Variants in HNMT observed in about 807,000 individuals in gnomAD.
HNMT encodes histamine N-methyltransferase.
A neutral mutation model predicts 32.1 loss-of-function variants in HNMT; 30 were observed. The ratio of observed to expected loss-of-function variants is 0.93; its 90% CI spans 0.70 to 1.27. HNMT has a LOEUF of 1.27. Among genes scored for constraint, HNMT ranks in the 50% most tolerant of loss-of-function variants. The probability of loss-of-function intolerance (pLI) is 0.00; values close to 1 mark genes in which losing one functional copy is unlikely to be tolerated. For missense variants in HNMT, 327 were observed against 346.0 expected (o/e 0.95, Z 0.43); for synonymous variants, 125 against 119.0 (o/e 1.05, Z -0.33).
intron 2 of HNMT, among the ~76,000 whole-genome samples, chr2:137,993,066 C>G (rs1227158106): frequency 6.6e-6 from 1 of 152,078 alleles, no homozygotes; most frequent in Admixed American, 6.6e-5. Context: ...CCTCAAAGAC[C>G]AAAACTAGAC....
chr2:138,003,150 G>T (rs921381407), intron 4 of HNMT, among the ~76,000 whole-genome samples: 2 of 149,610 alleles, frequency 1.3e-5, no homozygotes, highest in African/African-American at 4.9e-5. Flanking sequence ...CGAGTTAGTG[G>T]GTGCAGCGCA....
At chr2:138,013,008 A>G (rs1681556186) in intron 5 of HNMT, among the ~76,000 whole-genome samples, 1 of 152,050 alleles carries the variant, frequency 6.6e-6, no homozygotes, top group Non-Finnish European at 1.5e-5. Flanking sequence ...ACCTTATTAA[A>G]TGTATATTGA....
intron 2 of HNMT, chr2:137,981,644 A>G (rs957503009): frequency 3.6e-5 from 17 of 467,150 alleles, no homozygotes; most frequent in Admixed American, 7.0e-5. Flanking sequence ...CACTTTCTTG[A>G]GTAATTACTA....
At chr2:137,973,822 G>C (rs967797460) in intron 2 of HNMT, among the ~76,000 whole-genome samples, 5 of 151,970 alleles carry the variant, frequency 3.3e-5, no homozygotes, top group African/African-American at 1.2e-4. Flanking sequence ...AACATGAGCA[G>C]GGAGGGGATG....
chr2:137,980,368 A>G (rs1311169778), intron 2 of HNMT, among the ~76,000 whole-genome samples: 1 of 152,172 alleles, frequency 6.6e-6, no homozygotes, highest in Non-Finnish European at 1.5e-5. Context: ...GCAAATATTT[A>G]AAGAGCAATC....
At chr2:138,012,747 A>T (rs2104993071) in intron 5 of HNMT, among the ~76,000 whole-genome samples, 1 of 152,186 alleles carries the variant, frequency 6.6e-6, no homozygotes. Flanking sequence ...AGGCGCCCTC[A>T]CAGAAATTAC....
chr2:137,978,435 A>G (rs1680356743), intron 2 of HNMT, among the ~76,000 whole-genome samples: 1 of 145,074 alleles, frequency 6.9e-6, no homozygotes, highest in Non-Finnish European at 1.5e-5. Flanking sequence ...ATTATATACA[A>G]TACATATGAT....
chr2:137,975,929 C>T (rs1680272909), intron 2 of HNMT, among the ~76,000 whole-genome samples: 1 of 152,136 alleles, frequency 6.6e-6, no homozygotes, highest in Non-Finnish European at 1.5e-5. Context: ...GCCCTCAAAG[C>T]GCCAATGGTT....
intron 1 of HNMT, among the ~76,000 whole-genome samples, chr2:137,969,423 A>AT (rs921488039): frequency 2.6e-5 from 4 of 151,982 alleles, no homozygotes; most frequent in Non-Finnish European, 5.9e-5. Context: ...ATTCGTATTT[A>AT]TTTTTTTTAA....
At chr2:137,970,468 A>G (rs925477382) in intron 2 of HNMT, among the ~76,000 whole-genome samples, 1 of 152,228 alleles carries the variant, frequency 6.6e-6, no homozygotes, top group African/African-American at 2.4e-5. Flanking sequence ...TGAAAAATCA[A>G]ATAGGATAAC....
intron 2 of HNMT, among the ~76,000 whole-genome samples, chr2:137,970,970 A>G (rs1680117515): frequency 6.7e-6 from 1 of 149,972 alleles, no homozygotes; most frequent in Non-Finnish European, 1.5e-5. Context: ...AGAAAGAAAG[A>G]AAAAAGAAAT....
intron 2 of HNMT, among the ~76,000 whole-genome samples, chr2:137,976,017 A>C (rs986541885): frequency 1.3e-5 from 2 of 152,190 alleles, no homozygotes; most frequent in Admixed American, 1.3e-4. Context: ...CTGTAATCCC[A>C]GTACTTTGGG....
intron 2 of HNMT, among the ~76,000 whole-genome samples, chr2:138,000,630 T>A (rs558832072): frequency 6.6e-6 from 1 of 152,134 alleles, no homozygotes; most frequent in African/African-American, 2.4e-5. Flanking sequence ...AAAATAAGGG[T>A]TAATTTCCTT....
rs553174705 is a variant in HNMT, at chr2:138,015,876, T to C, written c.*1746T>C. 3 of 152,278 alleles carry C rather than the reference T, an allele frequency of 2.0e-5. No homozygotes were observed. The highest frequency in any genetic ancestry group is 3.4e-3 in the Middle Eastern group (1 of 294). 9.4% of individuals were successfully genotyped at this position (152,278 alleles called of 1,614,324 possible). On this transcript the variant is annotated 3_prime_UTR_variant, in exon 6 of 6. Transcript: ENST00000280097. The stretch of plus-strand genomic sequence containing the variant: ...AAGAATTGCAGTCCATAGATTGGTG[T>C]TTGTAAATATGGCCTTTTTCTCGTC...
At chr2:138,010,925 A>C (rs1156403) in intron 5 of HNMT, among the ~76,000 whole-genome samples, 2,907 of 152,152 alleles carry the variant, frequency 0.019, 95 homozygotes, top group African/African-American at 0.066. Context: ...GAGATGAGCC[A>C]GAAGGAGATC....
chr2:137,994,706 A>G (rs2104964530), intron 2 of HNMT, among the ~76,000 whole-genome samples: 1 of 152,360 alleles, frequency 6.6e-6, no homozygotes, highest in Middle Eastern at 3.4e-3. Context: ...CCCCAAATCA[A>G]CAGAATATAC....
At chr2:138,009,135 G>A (rs1394516078) in intron 5 of HNMT, among the ~76,000 whole-genome samples, 1 of 151,800 alleles carries the variant, frequency 6.6e-6, no homozygotes, top group African/African-American at 2.4e-5. Context: ...TGGCCAAGAA[G>A]CATTTGAAAA....
In HNMT at chr2:137,985,137, A is replaced by C. The variant is rs1177706563; in HGVS notation, c.190+14920A>C. 3.9e-5 allele frequency among the ~76,000 whole-genome samples: 6 copies of C among 152,022 alleles called. No homozygotes were observed. In the East Asian group the frequency reaches 9.7e-4, roughly 24 times the overall value. On this transcript the variant is annotated intron_variant, in intron 2 of 5. Coordinates refer to ENST00000280097, the MANE Select transcript of HNMT (RefSeq NM_006895.3). ...CACGTAAGACTCTCAGCTTCTCACT[A>C]TCTGCCTAAAACGTGCATGGACAAA...
Position 138,002,143 on chromosome 2 carries a change from A to C in HNMT, c.378A>C (p.Arg126Ser). ...HKETSSEYQS[R>S]MLEKKELQKW... ...AGACATCATCTGAATACCAAAGTAG[A>C]ATGTTGGAGAAAAAGGAGCTTCAAA... is the stretch of plus-strand genomic sequence containing the variant. The change falls in exon 4 of 6, where the codon AGA (arginine) becomes AGC (serine). Residue 126 changes from arginine (R) to serine (S), a missense_variant. Arg to Ser is a moderately radical substitution (Grantham distance 110, BLOSUM62 -1). Transcript: ENST00000280097. The C allele has an allele frequency of 6.2e-7, 1 of 1,600,768 alleles. No individual in the cohort carries two copies. The highest frequency in any genetic ancestry group is 8.5e-7 in the Non-Finnish European group (1 of 1,171,482).
Sources: allele counts gnomAD v4.1 joint callset (sites outside exome capture counted in the v4.1 genomes callset), GRCh38; gene constraint gnomAD v4.1.1; transcripts MANE v1.5; gene names NCBI Gene and HGNC (gene_info 2026-07-23, HGNC 2026-07-21).